The following EMCN variants were observed in gnomAD, a reference collection of about 807,000 sequenced individuals.
The protein encoded by EMCN is endomucin, also known as MUC-14.
In EMCN, 37 loss-of-function variants were observed where a neutral mutation model predicts 38.4. That is an observed-to-expected ratio of 0.96 (90% CI 0.74 to 1.27). EMCN has a LOEUF of 1.27. Ranked by LOEUF, EMCN falls within the 50% of genes most tolerant of loss-of-function variation. The pLI is 0.00. For missense variants in EMCN, 318 were observed against 302.8 expected (o/e 1.05, Z -0.37); for synonymous variants, 95 against 100.8 (o/e 0.94, Z 0.35).
chr4:100,399,262 C>A (rs1230731526), intron 11 of EMCN, among the ~76,000 whole-genome samples: 1 of 152,024 alleles, frequency 6.6e-6, no homozygotes, highest in Non-Finnish European at 1.5e-5. Flanking sequence ...GGGTAGTGGC[C>A]CAAACTGGCA....
At chr4:100,440,536 C>T (rs756230321) in intron 5 of EMCN, among the ~76,000 whole-genome samples, 2 of 151,998 alleles carry the variant, frequency 1.3e-5, no homozygotes, top group African/African-American at 2.4e-5. Context: ...TAATGGCCTC[C>T]AACTCCATCC....
Position 100,395,514 on chromosome 4 carries a change from C to T in EMCN, c.*2899G>A, listed in dbSNP as rs1375340869. ...AATGATGGATATCTTTAACATTAGG[C>T]AATAATTGACAGTTTTATAGTGGTG... On this transcript the variant is annotated 3_prime_UTR_variant, in exon 12 of 12. Transcript: ENST00000296420. 6.6e-6 allele frequency: 1 copy of T among 152,048 alleles called. No individual in the cohort carries two copies. Among genetic ancestry groups the T allele is most frequent in the Admixed American group, 6.6e-5 (1 of 15,250 alleles). The allele number at this position is 152,048 out of a possible 1,614,324, so 9.4% of individuals were successfully genotyped here. A position where few individuals can be genotyped will look rare whatever the true frequency, so the allele number is the denominator to read the frequency against.
Position 100,445,804 on chromosome 4 carries a change from G to A in EMCN, c.415+1729C>T, listed in dbSNP as rs1035064469. ...ATGGTGTTTCCTGATTTAGTCTTTA[G>A]CTGCAATTCATATTTGAAGTTTGAA... On this transcript the variant is annotated intron_variant, in intron 5 of 11. Coordinates refer to ENST00000296420, the MANE Select transcript of EMCN (RefSeq NM_016242.4). Among the ~76,000 whole-genome samples the A allele has an allele frequency of 9.2e-5, 14 of 152,098 alleles. No homozygotes were observed. The East Asian group carries it at 2.7e-3, about 29-fold the overall frequency.
At chr4:100,504,758 C>T (rs1020522216) in intron 1 of EMCN, among the ~76,000 whole-genome samples, 4 of 152,190 alleles carry the variant, frequency 2.6e-5, no homozygotes, top group Non-Finnish European at 2.9e-5. Flanking sequence ...GAAAAACACC[C>T]GCTACTTAGC....
chr4:100,505,169 C>T (rs1266325791), intron 1 of EMCN, among the ~76,000 whole-genome samples: 1 of 152,138 alleles, frequency 6.6e-6, no homozygotes, highest in Non-Finnish European at 1.5e-5. Context: ...GTCTTGTATC[C>T]AGTAAATATC....
intron 3 of EMCN, among the ~76,000 whole-genome samples, chr4:100,467,080 G>A (rs1728336991): frequency 6.6e-6 from 1 of 152,134 alleles, no homozygotes; most frequent in South Asian, 2.1e-4. Context: ...GGAATGCAAT[G>A]CCAAAGATTT....
intron 4 of EMCN, among the ~76,000 whole-genome samples, chr4:100,457,332 G>T (rs1728046916): frequency 6.6e-6 from 1 of 151,940 alleles, no homozygotes; most frequent in Non-Finnish European, 1.5e-5. Flanking sequence ...GCTCTGAATA[G>T]AACTTTCAGT....
intron 3 of EMCN, among the ~76,000 whole-genome samples, chr4:100,467,637 G>A (rs1351167143): frequency 6.8e-6 from 1 of 146,464 alleles, no homozygotes; most frequent in Non-Finnish European, 1.5e-5. Flanking sequence ...AGCCGGGATA[G>A]CGCCACTGCA....
intron 4 of EMCN, among the ~76,000 whole-genome samples, chr4:100,459,204 T>G (rs1424182834): frequency 4.6e-5 from 2 of 43,412 alleles, no homozygotes; most frequent in Non-Finnish European, 8.0e-5. Context: ...TCTCTCTCTC[T>G]CTCTCTCTCT....
At chr4:100,459,016 GA>G (rs144926152) in intron 4 of EMCN, among the ~76,000 whole-genome samples, 7 of 150,970 alleles carry the variant, frequency 4.6e-5, no homozygotes, top group South Asian at 2.1e-4. Context: ...AAATCCACAT[GA>G]AAAAAAAATC....
chr4:100,482,304 T>G (rs72910806), intron 1 of EMCN, among the ~76,000 whole-genome samples: 41,470 of 151,970 alleles, frequency 0.27, 6,369 homozygotes, highest in African/African-American at 0.41. Flanking sequence ...TAGGTGTGTG[T>G]GTGTGTGTTG....
chr4:100,420,878 G>A (rs1463523153), intron 8 of EMCN, among the ~76,000 whole-genome samples: 1 of 151,914 alleles, frequency 6.6e-6, no homozygotes, highest in Non-Finnish European at 1.5e-5. Flanking sequence ...AATTAGTCAC[G>A]GGACATTTTT....
At chr4:100,480,726 A>T (rs1728784689) in intron 1 of EMCN, among the ~76,000 whole-genome samples, 1 of 151,956 alleles carries the variant, frequency 6.6e-6, no homozygotes, top group South Asian at 2.1e-4. Flanking sequence ...TTTAACATTA[A>T]TTGGGCAGGC....
At chr4:100,455,789 GT>G (rs967360659) in intron 4 of EMCN, among the ~76,000 whole-genome samples, 1 of 151,324 alleles carries the variant, frequency 6.6e-6, no homozygotes, top group Non-Finnish European at 1.5e-5. Context: ...CCTTTTGTTC[GT>G]TTTTTCTTTT....
chr4:100,459,022 A>T (rs1157176868), intron 4 of EMCN, among the ~76,000 whole-genome samples: 5 of 152,112 alleles, frequency 3.3e-5, no homozygotes, highest in Non-Finnish European at 5.9e-5. Flanking sequence ...ACATGAAAAA[A>T]AAATCAGTAT....
At chr4:100,467,319 C>T (rs755611224) in intron 3 of EMCN, among the ~76,000 whole-genome samples, 3 of 152,130 alleles carry the variant, frequency 2.0e-5, no homozygotes, top group Non-Finnish European at 4.4e-5. Context: ...TACTAATATA[C>T]AGAAATGCTT....
intron 7 of EMCN, among the ~76,000 whole-genome samples, 173 bp downstream of exon 7, chr4:100,422,848 C>T (rs1303355796): frequency 2.7e-5 from 3 of 112,276 alleles, no homozygotes; most frequent in African/African-American, 3.1e-5. Flanking sequence ...GTCATTAAGA[C>T]TCACTTGTGG....
Position 100,423,394 on chromosome 4 carries a change from T to C in EMCN, c.426A>G (p.Leu142=), listed in dbSNP as rs1330449238. ...IKTTEIPGSV[L]QPDASPSKTG... is the part of the protein sequence containing the mutation. ...TTTTAGAAGGTGATGCATCTGGTTG[T>C]AGAACACTACCTGTATGAAAATTAC... Residue 142 remains leucine (L), a synonymous_variant, in exon 6 of 12, where the codon CTA becomes CTG. Transcript: ENST00000296420. 1 of 1,610,026 alleles carries C rather than the reference T, an allele frequency of 6.2e-7. No homozygotes were observed. The highest frequency in any genetic ancestry group is 2.2e-5 in the East Asian group (1 of 44,808).
intron 3 of EMCN, among the ~76,000 whole-genome samples, chr4:100,468,346 A>G (rs1385749276): frequency 1.3e-5 from 2 of 152,186 alleles, no homozygotes; most frequent in East Asian, 3.8e-4. Context: ...TTTATTGAGG[A>G]AAACAATAAA....
Sources: gnomAD v4.1 joint callset for allele counts (sites outside exome capture counted in the v4.1 genomes callset) on GRCh38, gnomAD v4.1.1 for gene constraint, MANE v1.5 for transcripts, NCBI Gene and HGNC (gene_info 2026-07-23, HGNC 2026-07-21) for gene names.